Variants in CRTC3 observed in about 807,000 individuals in gnomAD.
CRTC3 encodes the protein CREB regulated transcription coactivator 3.
In CRTC3, 26 loss-of-function variants were observed where a neutral mutation model predicts 74.5. The ratio of observed to expected loss-of-function variants is 0.35; its 90% CI spans 0.26 to 0.48. The LOEUF is 0.48. Among genes scored for constraint, CRTC3 ranks in the 20% least tolerant of loss-of-function variants. CRTC3 has a pLI of 0.99. For synonymous variants in CRTC3, 377 were observed against 325.8 expected, an observed-to-expected ratio of 1.16 and a Z score of -1.69; for missense variants, 760 against 787.3, an observed-to-expected ratio of 0.97 and a Z score of 0.41.
At position 90,644,312 on chromosome 15, in the gene CRTC3, C is replaced by T. The variant is rs1969552520; in HGVS notation, c.*2172C>T. On this transcript the variant is annotated 3_prime_UTR_variant, in exon 15 of 15. Transcript: ENST00000268184. The stretch of plus-strand genomic sequence containing the variant: ...GCTCCTGTGTCAAAGGGCTTCCAAA[C>T]CTGATCTCACTCTCAACAGGCGATG... The T allele has an allele frequency of 8.7e-6, 2 of 229,930 alleles. No individual in the cohort carries two copies. The highest frequency in any genetic ancestry group is 1.7e-5 in the Non-Finnish European group (2 of 116,082). 14.2% of individuals were successfully genotyped at this position (229,930 alleles called of 1,614,324 possible).
intron 2 of CRTC3, among the ~76,000 whole-genome samples, chr15:90,548,821 C>T (rs546881059): frequency 1.2e-4 from 19 of 152,184 alleles, no homozygotes; most frequent in African/African-American, 4.3e-4. Flanking sequence ...AATGAGAATT[C>T]GACAATAGCA....
In CRTC3 at chr15:90,644,064, G is replaced by A. The variant is rs1156841639; in HGVS notation, c.*1924G>A. ...CCCTCCACCTTCCTCTGGAATCCAA[G>A]TATTCCTGTTTCACATTTGCCCCAA... On this transcript the variant is annotated 3_prime_UTR_variant, in exon 15 of 15. Transcript: ENST00000268184. 1 of 231,126 alleles carries A rather than the reference G, an allele frequency of 4.3e-6. No individual in the cohort carries two copies. The highest frequency in any genetic ancestry group is 8.6e-6 in the Non-Finnish European group (1 of 116,892). 14.3% of individuals were successfully genotyped at this position (231,126 alleles called of 1,614,324 possible).
chr15:90,545,732 A>G (rs973319557), intron 2 of CRTC3, among the ~76,000 whole-genome samples: 168 of 117,246 alleles, frequency 1.4e-3, no homozygotes, highest in Non-Finnish European at 2.9e-3. Context: ...ACCTGCCACC[A>G]CGCCCGGGTA....
At chr15:90,610,870 G>A (rs372496758) in intron 6 of CRTC3, among the ~76,000 whole-genome samples, 6 of 152,260 alleles carry the variant, frequency 3.9e-5, no homozygotes, top group South Asian at 2.1e-4. Flanking sequence ...AGCAGAGTGC[G>A]TAATAGGTGT....
At chr15:90,637,433 T>C (rs555974656) in intron 11 of CRTC3, among the ~76,000 whole-genome samples, 22 of 152,174 alleles carry the variant, frequency 1.4e-4, no homozygotes, top group African/African-American at 7.2e-5. Context: ...AGGGATAGCA[T>C]TGGGAGATAT....
At chr15:90,574,945 A>G (rs1388859337) in intron 2 of CRTC3, among the ~76,000 whole-genome samples, 1 of 152,198 alleles carries the variant, frequency 6.6e-6, no homozygotes, top group Non-Finnish European at 1.5e-5. Context: ...AAAACTAGCC[A>G]TTTATCTGTG....
At chr15:90,558,908 C>T (rs1038878020) in intron 2 of CRTC3, among the ~76,000 whole-genome samples, 6 of 151,762 alleles carry the variant, frequency 4.0e-5, no homozygotes, top group African/African-American at 9.7e-5. Flanking sequence ...TGTGCTACCA[C>T]GCCCGGCTAA....
rs541923204 is a variant in CRTC3 at position 90,564,973 on chromosome 15, G to A, written c.231+24836G>A. On this transcript the variant is annotated intron_variant, in intron 2 of 14. Coordinates refer to ENST00000268184, the MANE Select transcript of CRTC3 (RefSeq NM_022769.5). Reference sequence around the variant, plus strand: ...TCCTTCCTTCCTTTCATGGAGTTTCGCTCTTTTTGCCCAGGCTGGAGTGCA... The same window carrying A: ...TCCTTCCTTCCTTTCATGGAGTTTCACTCTTTTTGCCCAGGCTGGAGTGCA... 9.4e-5 allele frequency among the ~76,000 whole-genome samples: 14 copies of A among 148,340 alleles called. No homozygotes were observed. In the East Asian group the frequency reaches 9.8e-4, roughly 10 times the overall value.
At chr15:90,629,085 G>A (rs570840744) in intron 10 of CRTC3, 149 bp from the exon 11 acceptor site, 34 of 677,564 alleles carry the variant, frequency 5.0e-5, no homozygotes, top group East Asian at 4.9e-4. Flanking sequence ...TTGGTGCATC[G>A]GATGCAGTCC....
chr15:90,593,821 T>C, intron 3 of CRTC3, 66 bp downstream of exon 3: 1 of 1,516,706 alleles, frequency 6.6e-7, no homozygotes, highest in African/African-American at 1.4e-5. Context: ...TCAGGATTTA[T>C]CTTCCCTGCA....
At chr15:90,561,328 A>G (rs1184371621) in intron 2 of CRTC3, among the ~76,000 whole-genome samples, 3 of 152,222 alleles carry the variant, frequency 2.0e-5, no homozygotes, top group African/African-American at 7.2e-5. Context: ...GGCCTAGAGA[A>G]CTAAGCTTTT....
intron 2 of CRTC3, among the ~76,000 whole-genome samples, chr15:90,567,919 A>T (rs1314997838): frequency 6.6e-6 from 1 of 152,206 alleles, no homozygotes. Context: ...GATTCCGCTG[A>T]TGGATCATGG....
chr15:90,617,827 G>C, intron 7 of CRTC3, 56 bp from the exon 8 acceptor site: 1 of 1,222,988 alleles, frequency 8.2e-7, no homozygotes, highest in Non-Finnish European at 1.2e-6. Flanking sequence ...CACCGTGCCC[G>C]GCCTGGATTC....
At chr15:90,554,698 T>G (rs1966874558) in intron 2 of CRTC3, among the ~76,000 whole-genome samples, 1 of 152,232 alleles carries the variant, frequency 6.6e-6, no homozygotes, top group African/African-American at 2.4e-5. Context: ...GTGTTACTAG[T>G]ACCTACTTCA....
chr15:90,575,090 C>T lies in CRTC3; in HGVS notation c.232-18546C>T, dbSNP rs190631203. ...GTTGGCTGGATGCAGTGGCTCACTC[C>T]TGTAATCCCAGCACTTTGGGAGGCT... On this transcript the variant is annotated intron_variant, in intron 2 of 14. Coordinates refer to ENST00000268184, the MANE Select transcript of CRTC3 (RefSeq NM_022769.5). Among the ~76,000 whole-genome samples, 8 of 152,272 alleles carry T rather than the reference C, an allele frequency of 5.3e-5. No homozygotes were observed. The East Asian group carries it at 1.3e-3, about 26-fold the overall frequency.
At chr15:90,564,979 T>C (rs1027764695) in intron 2 of CRTC3, among the ~76,000 whole-genome samples, 4 of 151,518 alleles carry the variant, frequency 2.6e-5, no homozygotes, top group Non-Finnish European at 5.9e-5. Context: ...TTTCGCTCTT[T>C]TTGCCCAGGC....
Position 90,561,581 on chromosome 15 carries a change from C to G in CRTC3, c.231+21444C>G, listed in dbSNP as rs113135936. On this transcript the variant is annotated intron_variant, in intron 2 of 14. Coordinates refer to ENST00000268184, the MANE Select transcript of CRTC3 (RefSeq NM_022769.5). ...AGGAAAGAAGCTAGGTCTCTATATT[C>G]CCTCGCATTTTGAATCTGTGTTAAA... Among the ~76,000 whole-genome samples, 1,230 of 152,246 alleles carry G rather than the reference C, an allele frequency of 8.1e-3. 20 individuals are homozygous for G. The highest frequency in any genetic ancestry group is 0.028 in the African/African-American group (1,164 of 41,546).
chr15:90,579,634 C>CCTTTTT (rs772962487), intron 2 of CRTC3, among the ~76,000 whole-genome samples: 3 of 84,198 alleles, frequency 3.6e-5, no homozygotes, highest in East Asian at 4.1e-4. Context: ...ACGTATTTCA[C>CCTTTTT]TTTTTTTTTT....
At chr15:90,615,629 C>T (rs1407245356) in intron 7 of CRTC3, among the ~76,000 whole-genome samples, 2 of 152,148 alleles carry the variant, frequency 1.3e-5, no homozygotes, top group East Asian at 3.9e-4. Context: ...TTCAGTGCTT[C>T]GAAGAATTCC....
Sources: gnomAD v4.1 joint callset for allele counts (sites outside exome capture counted in the v4.1 genomes callset) on GRCh38, gnomAD v4.1.1 for gene constraint, MANE v1.5 for transcripts, NCBI Gene and HGNC (gene_info 2026-07-23, HGNC 2026-07-21) for gene names.